ASIC2: variants seen among roughly 807,000 people sequenced by gnomAD.
The protein encoded by ASIC2 is acid sensing ion channel subunit 2, also known as acid-sensing ion channel 2.
A neutral mutation model predicts 57.3 loss-of-function variants in ASIC2; 25 were observed. The observed-to-expected ratio is 0.44, with a 90% CI of 0.32 to 0.61. The LOEUF (loss-of-function observed/expected upper bound fraction) is 0.61. ASIC2 is among the 20% of genes least tolerant of loss of function. ASIC2 has a pLI of 0.06. For synonymous variants in ASIC2, 319 were observed against 307.5 expected (o/e 1.04, Z -0.39); for missense variants, 641 against 738.1 (o/e 0.87, Z 1.52).
chr17:33,757,161 C>A (rs1264164405), intron 1 of ASIC2, among the ~76,000 whole-genome samples: 1 of 152,180 alleles, frequency 6.6e-6, no homozygotes, highest in Non-Finnish European at 1.5e-5. Context: ...CTGCCCTTCT[C>A]TTCCTTTTCC....
chr17:33,761,304 T>C (rs904103567), intron 1 of ASIC2, among the ~76,000 whole-genome samples: 1 of 152,172 alleles, frequency 6.6e-6, no homozygotes, highest in African/African-American at 2.4e-5. Context: ...GAGTGGTGCT[T>C]GGATTGAATC....
intron 1 of ASIC2, among the ~76,000 whole-genome samples, chr17:33,685,111 T>TG (rs1020639016): frequency 1.4e-3 from 207 of 152,202 alleles, no homozygotes; most frequent in African/African-American, 4.8e-3. Flanking sequence ...TGGTTCCCCC[T>TG]GGGGGGGCTT....
In ASIC2 at chr17:33,967,530, T is replaced by C. The variant is rs1475390115; in HGVS notation, c.555+188448A>G. 3.3e-5 allele frequency among the ~76,000 whole-genome samples: 5 copies of C among 152,312 alleles called. No individual in the cohort carries two copies. In the South Asian group the frequency reaches 6.2e-4, roughly 19 times the overall value. On this transcript the variant is annotated intron_variant, in intron 1 of 9. Coordinates refer to the ASIC2 transcript ENST00000359872. ...GATTACAGGTATAAGCCATCACGCCTGGCCTGATTCGAATTCTTAAACACA... is the reference window on the plus strand; with the variant it reads ...GATTACAGGTATAAGCCATCACGCCCGGCCTGATTCGAATTCTTAAACACA...
At chr17:33,657,933 T>C (rs1473450943) in intron 1 of ASIC2, among the ~76,000 whole-genome samples, 2 of 152,184 alleles carry the variant, frequency 1.3e-5, no homozygotes, top group Non-Finnish European at 2.9e-5. Flanking sequence ...TGGGCTTGGC[T>C]GTCTTCTTCC....
chr17:34,004,965 A>G (rs746168228), intron 1 of ASIC2: 1 of 152,188 alleles, frequency 6.6e-6, no homozygotes, highest in Non-Finnish European at 1.5e-5. Context: ...CTAGGGGACC[A>G]CAGGAGGTTT....
intron 1 of ASIC2, among the ~76,000 whole-genome samples, chr17:33,641,260 T>G (rs1327003656): frequency 6.6e-6 from 1 of 152,140 alleles, no homozygotes; most frequent in East Asian, 1.9e-4. Context: ...TAGACAGGGC[T>G]GAGAGAGGAA....
intron 1 of ASIC2, among the ~76,000 whole-genome samples, chr17:33,899,837 G>A (rs544305326): frequency 6.6e-6 from 1 of 152,106 alleles, no homozygotes; most frequent in East Asian, 1.9e-4. Flanking sequence ...TTTCATATAA[G>A]AGTGCAGGTT....
intron 1 of ASIC2, among the ~76,000 whole-genome samples, chr17:33,188,267 A>G (rs1906280216): frequency 6.6e-6 from 1 of 152,196 alleles, no homozygotes; most frequent in South Asian, 2.1e-4. Flanking sequence ...AAAACTATCC[A>G]GAATGATACA....
At chr17:33,348,175 C>T (rs950299179) in intron 1 of ASIC2, among the ~76,000 whole-genome samples, 2 of 152,044 alleles carry the variant, frequency 1.3e-5, no homozygotes, top group Non-Finnish European at 2.9e-5. Flanking sequence ...CATGGATGGA[C>T]CTTCTACGTG....
intron 1 of ASIC2, among the ~76,000 whole-genome samples, chr17:33,247,837 C>T (rs1466523676): frequency 6.6e-6 from 1 of 152,150 alleles, no homozygotes; most frequent in Non-Finnish European, 1.5e-5. Context: ...CCAGGTGCTG[C>T]TTTAGGTACT....
At chr17:33,872,312 GCCTGAA>G (rs1914437411) in intron 1 of ASIC2, among the ~76,000 whole-genome samples, 4 of 152,152 alleles carry the variant, frequency 2.6e-5, no homozygotes, top group Admixed American at 6.5e-5. Context: ...CCTACACACA[GCCTGAA>G]CCAAGTGTCA....
At chr17:33,058,161 C>A (rs2092005382) in intron 3 of ASIC2, among the ~76,000 whole-genome samples, 1 of 152,044 alleles carries the variant, frequency 6.6e-6, no homozygotes, top group Non-Finnish European at 1.5e-5. Context: ...AGTGATTGAA[C>A]TTTTACAGAG....
chr17:33,497,053 T>C (rs938254313), intron 1 of ASIC2, among the ~76,000 whole-genome samples: 1 of 152,150 alleles, frequency 6.6e-6, no homozygotes, highest in African/African-American at 2.4e-5. Context: ...GTGAACACAT[T>C]GGATGTGATG....
chr17:33,836,009 A>G (rs1913262975), intron 1 of ASIC2, among the ~76,000 whole-genome samples: 1 of 150,324 alleles, frequency 6.7e-6, no homozygotes, highest in Non-Finnish European at 1.5e-5. Context: ...AATTATGTCT[A>G]TCGTATATAA....
At chr17:33,248,248 AC>A (rs961726347) in intron 1 of ASIC2, among the ~76,000 whole-genome samples, 17 of 152,322 alleles carry the variant, frequency 1.1e-4, no homozygotes, top group African/African-American at 4.1e-4. Flanking sequence ...AGGTAGGTGT[AC>A]GCCTGGCCTG....
intron 1 of ASIC2, among the ~76,000 whole-genome samples, chr17:33,978,181 C>T (rs569701770): frequency 6.6e-6 from 1 of 152,312 alleles, no homozygotes; most frequent in South Asian, 2.1e-4. Flanking sequence ...GGATGGTAAA[C>T]CCCACTCAGT....
chr17:33,965,234 G>A (rs906774527), intron 1 of ASIC2, among the ~76,000 whole-genome samples: 1 of 152,212 alleles, frequency 6.6e-6, no homozygotes. Context: ...GGGGTTAAGC[G>A]ACTTGCCTCA....
intron 1 of ASIC2, among the ~76,000 whole-genome samples, chr17:33,778,153 A>T (rs1475555924): frequency 6.6e-6 from 1 of 152,178 alleles, no homozygotes; most frequent in Non-Finnish European, 1.5e-5. Flanking sequence ...TCTAAAATGG[A>T]GGTGAGTTGC....
At chr17:33,101,223 C>T (rs1242404373) in intron 2 of ASIC2, among the ~76,000 whole-genome samples, 1 of 152,228 alleles carries the variant, frequency 6.6e-6, no homozygotes, top group African/African-American at 2.4e-5. Flanking sequence ...TAGCAACCAT[C>T]ATCACCCACG....
Sources: gnomAD v4.1 joint callset for allele counts (sites outside exome capture counted in the v4.1 genomes callset) on GRCh38, gnomAD v4.1.1 for gene constraint, MANE v1.5 for transcripts, NCBI Gene and HGNC (gene_info 2026-07-23, HGNC 2026-07-21) for gene names.